The following CPXM2 variants were observed in gnomAD, a reference collection of about 807,000 sequenced individuals.
CPXM2 encodes the protein inactive carboxypeptidase-like protein X2.
CPXM2 carries 66 observed loss-of-function variants against 86.1 expected under a neutral mutation model. The ratio of observed to expected loss-of-function variants is 0.77; its 90% CI spans 0.63 to 0.94. The LOEUF is 0.94. Ranked by LOEUF, CPXM2 falls within the 40% of genes least tolerant of loss-of-function variation. CPXM2 has a pLI of 0.00. For missense variants in CPXM2, 948 were observed against 1,026.3 expected (o/e 0.92, Z 1.04); for synonymous variants, 388 against 400.2 (o/e 0.97, Z 0.36).
Position 123,771,007 on chromosome 10 carries a change from A to G in CPXM2, c.1011T>C (p.Asn337=), listed in dbSNP as rs1315453737. The G allele has an allele frequency of 6.2e-7, 1 of 1,613,370 alleles. No homozygotes were observed. The highest frequency in any genetic ancestry group is 1.3e-5 in the African/African-American group (1 of 74,928). Residue 337 remains asparagine (N), a synonymous_variant, in exon 8 of 14, where the codon AAT becomes AAC. Coordinates refer to ENST00000241305, the MANE Select transcript of CPXM2 (RefSeq NM_198148.3). ...LMKVVNEMCP[N]ITRIYNIGKS... ...TTCCAATGTTGTAAATTCTGGTGATATTGGGACACATTTCATTCACAACTT... is the reference window on the plus strand; with the variant it reads ...TTCCAATGTTGTAAATTCTGGTGATGTTGGGACACATTTCATTCACAACTT...
intron 2 of CPXM2, chr10:123,913,785 G>A (rs973228423): frequency 4.0e-5 from 12 of 298,476 alleles, no homozygotes; most frequent in South Asian, 1.4e-4. Context: ...CTCCAGGTCC[G>A]CAGAGATAAA....
chr10:123,766,865 G>C (rs1025380067), intron 10 of CPXM2, 108 bp downstream of exon 10: 3 of 901,666 alleles, frequency 3.3e-6, no homozygotes, highest in Non-Finnish European at 5.2e-6. Flanking sequence ...AAACATGAAA[G>C]AAAAAAACAG....
intron 2 of CPXM2, among the ~76,000 whole-genome samples, chr10:123,906,504 T>A (rs1176419989): frequency 1.3e-5 from 2 of 152,218 alleles, no homozygotes; most frequent in African/African-American, 4.8e-5. Flanking sequence ...CATGTCAGCT[T>A]CACTCAGCTG....
intron 2 of CPXM2, among the ~76,000 whole-genome samples, chr10:123,916,502 G>A (rs1023803367): frequency 1.4e-4 from 22 of 152,108 alleles, no homozygotes; most frequent in Admixed American, 3.3e-4. Flanking sequence ...CCTATTCACT[G>A]CCATTGACCA....
At chr10:123,843,575 A>G (rs1848434049) in intron 3 of CPXM2, among the ~76,000 whole-genome samples, 1 of 152,140 alleles carries the variant, frequency 6.6e-6, no homozygotes. Context: ...TCAGATTAAA[A>G]AAAAAAAGTC....
intron 12 of CPXM2, among the ~76,000 whole-genome samples, chr10:123,756,048 CAG>C (rs1400107981): frequency 6.6e-6 from 1 of 152,192 alleles, no homozygotes; most frequent in Non-Finnish European, 1.5e-5. Flanking sequence ...CATCATGGGA[CAG>C]AGTCAGATGC....
intron 2 of CPXM2, among the ~76,000 whole-genome samples, chr10:123,911,301 G>A (rs946463371): frequency 7.9e-5 from 12 of 152,010 alleles, no homozygotes; most frequent in Admixed American, 3.9e-4. Context: ...GGGTATGAGG[G>A]ACTCCTGCCC....
At chr10:123,836,891 G>T (rs11248296) in intron 4 of CPXM2, among the ~76,000 whole-genome samples, 1 of 135,126 alleles carries the variant, frequency 7.4e-6, no homozygotes, top group Non-Finnish European at 1.7e-5. Context: ...CTTCCCCCCA[G>T]GTGAGGTCTC....
chr10:123,904,999 G>A (rs1224789533), intron 2 of CPXM2, among the ~76,000 whole-genome samples: 3 of 76,694 alleles, frequency 3.9e-5, no homozygotes, highest in Non-Finnish European at 8.2e-5. Context: ...GCTGGGTCAG[G>A]CAGGTGGCAG....
intron 2 of CPXM2, among the ~76,000 whole-genome samples, chr10:123,907,767 G>T (rs879288593): frequency 6.6e-6 from 1 of 151,976 alleles, no homozygotes; most frequent in Admixed American, 6.6e-5. Flanking sequence ...CCCGCAAGGC[G>T]CCCACCCAGA....
At chr10:123,896,435 G>A (rs779083107), upstream of CPXM2, among the ~76,000 whole-genome samples, 30 of 152,234 alleles carry the variant, frequency 2.0e-4, no homozygotes, top group South Asian at 1.0e-3. Context: ...GTGTTGAGAT[G>A]TGATAGTTTA....
At position 123,880,033 on chromosome 10, in the gene CPXM2, C is replaced by T. The variant is rs573943481; in HGVS notation, c.403+178G>A. The stretch of plus-strand genomic sequence containing the variant: ...GCAGTGCACAAGTGTGAGTGTGGTG[C>T]AGAAGCTGCCGTGAATGTTCTCGCC... On this transcript the variant is annotated intron_variant, in intron 2 of 13. Transcript: ENST00000241305. Among the ~76,000 whole-genome samples the T allele has an allele frequency of 4.6e-5, 7 of 152,308 alleles. No homozygotes were observed. In the East Asian group the frequency reaches 1.3e-3, roughly 29 times the overall value.
rs531270435 is a variant in CPXM2 at position 123,817,085 on chromosome 10, C to G, written c.654-17886G>C. ...TGCTGCATTTGGCCCCTCCTACAAC[C>G]AAGAAAGAGGCACAATGCCTAGTGG... On this transcript the variant is annotated intron_variant, in intron 4 of 13. Coordinates refer to ENST00000241305, the MANE Select transcript of CPXM2 (RefSeq NM_198148.3). Among the ~76,000 whole-genome samples, 16 of 152,316 alleles carry G rather than the reference C, an allele frequency of 1.1e-4. No homozygotes were observed. The East Asian group carries it at 2.9e-3, about 28-fold the overall frequency.
Position 123,840,853 on chromosome 10 carries a change from C to T in CPXM2, c.653+1496G>A, listed in dbSNP as rs376794345. Among the ~76,000 whole-genome samples, 13 of 152,194 alleles carry T rather than the reference C, an allele frequency of 8.5e-5. No individual in the cohort carries two copies. The South Asian group carries it at 2.1e-3, about 24-fold the overall frequency. ...AGGTGGTTAAATGTAAGCACAGATG[C>T]CAGGTCCATCTCACTTATCCCACTT... On this transcript the variant is annotated intron_variant, in intron 4 of 13. Coordinates refer to ENST00000241305, the MANE Select transcript of CPXM2 (RefSeq NM_198148.3).
At chr10:123,866,302 G>A (rs1056168240) in intron 2 of CPXM2, among the ~76,000 whole-genome samples, 3 of 152,112 alleles carry the variant, frequency 2.0e-5, no homozygotes, top group Non-Finnish European at 2.9e-5. Context: ...GGTGGCTCAC[G>A]CCTGTAATCC....
intron 9 of CPXM2, 99 bp downstream of exon 9, chr10:123,768,427 C>T (rs894757851): frequency 1.3e-5 from 8 of 603,876 alleles, no homozygotes; most frequent in African/African-American, 1.9e-5. Context: ...AAATAAAGCT[C>T]GGAAGGTGGA....
At chr10:123,863,062 C>T (rs1802835716) in intron 2 of CPXM2, among the ~76,000 whole-genome samples, 1 of 152,158 alleles carries the variant, frequency 6.6e-6, no homozygotes, top group Non-Finnish European at 1.5e-5. Context: ...GCGGATTTTG[C>T]TTCAGCAACT....
intron 2 of CPXM2, among the ~76,000 whole-genome samples, chr10:123,917,275 T>G (rs533256193): frequency 1.3e-5 from 2 of 152,378 alleles, no homozygotes; most frequent in East Asian, 1.9e-4. Flanking sequence ...CGCTTTGATG[T>G]GCTCAGGCAC....
chr10:123,873,341 A>T (rs1406838869), intron 2 of CPXM2, among the ~76,000 whole-genome samples: 1 of 152,252 alleles, frequency 6.6e-6, no homozygotes, highest in Non-Finnish European at 1.5e-5. Flanking sequence ...CTCTAGCGAT[A>T]AATTTCTACA....
Sources: gnomAD v4.1 joint callset for allele counts (sites outside exome capture counted in the v4.1 genomes callset) on GRCh38, gnomAD v4.1.1 for gene constraint, MANE v1.5 for transcripts, NCBI Gene and HGNC (gene_info 2026-07-23, HGNC 2026-07-21) for gene names.